The following ZNF44 variants were observed in gnomAD, a reference collection of about 807,000 sequenced individuals.
The protein encoded by ZNF44 is zinc finger protein 44, also known as gonadotropin inducible transcription repressor-2.
In ZNF44, 9 loss-of-function variants were observed where a neutral mutation model predicts 11.7. The observed-to-expected ratio is 0.77, with a 90% CI of 0.46 to 1.35. ZNF44 has a LOEUF of 1.35. Ranked by LOEUF, ZNF44 falls within the 40% of genes most tolerant of loss-of-function variation. The probability of loss-of-function intolerance (pLI) is 0.00; values close to 1 mark genes in which losing one functional copy is unlikely to be tolerated. For missense variants in ZNF44, 696 were observed against 743.1 expected (o/e 0.94, Z 0.74); for synonymous variants, 224 against 242.7 (o/e 0.92, Z 0.72).
chr19:12,273,687 C>A lies in ZNF44; in HGVS notation c.568G>T (p.Val190Leu). 1.9e-6 allele frequency: 3 copies of A among 1,614,168 alleles called. No homozygotes were observed. Among genetic ancestry groups the A allele is most frequent in the Non-Finnish European group, 2.5e-6 (3 of 1,180,038 alleles). The change falls in exon 4 of 4, where the codon GTA (valine) becomes TTA (leucine). Residue 190 changes from valine (V) to leucine (L), a missense_variant. Coordinates refer to ENST00000355684, the MANE Select transcript of ZNF44 (RefSeq NM_016264.4). ...TTATAAGGTCCATCTCCACCTTTTA[C>A]TACCATATGTCTTCGAAGGTTTCCA... is the stretch of plus-strand genomic sequence containing the variant. ...SPGNLRRHMV[V>L]KGGDGPYKCE...
downstream of ZNF44, among the ~76,000 whole-genome samples, chr19:12,270,872 T>C (rs1271084939): frequency 3.3e-5 from 5 of 152,182 alleles, no homozygotes; most frequent in African/African-American, 4.8e-5. Context: ...AGGCTGTAGA[T>C]GCCCTAAAGC....
At chr19:12,250,475 T>G (rs773489037) in intron 5 of ZNF44, 7 of 997,318 alleles carry the variant, frequency 7.0e-6, no homozygotes, top group Non-Finnish European at 9.3e-6. Context: ...TCTCCAGAGA[T>G]TTATTCTATG....
At chr19:12,230,771 C>T (rs1442009432) in intron 2 of ZNF44, among the ~76,000 whole-genome samples, 1 of 152,152 alleles carries the variant, frequency 6.6e-6, no homozygotes, top group Non-Finnish European at 1.5e-5. Flanking sequence ...TAGAAAAAAC[C>T]TGAGAGGGGC....
chr19:12,281,309 T>A (rs549372458), intron 1 of ZNF44, among the ~76,000 whole-genome samples: 1 of 152,264 alleles, frequency 6.6e-6, no homozygotes, highest in East Asian at 1.9e-4. Flanking sequence ...AAAGTGGAGA[T>A]TGAAGCCACA....
At chr19:12,225,794 T>C (rs898392573), downstream of ZNF44, among the ~76,000 whole-genome samples, 2 of 152,320 alleles carry the variant, frequency 1.3e-5, no homozygotes, top group South Asian at 4.1e-4. Context: ...GGGGTGAGAC[T>C]GAATAGGATG....
chr19:12,272,154 GC>G lies in ZNF44; in HGVS notation c.*252del. 1 of 384,408 alleles carries G rather than the reference GC, an allele frequency of 2.6e-6. No homozygotes were observed. Among genetic ancestry groups the G allele is most frequent in the Admixed American group, 4.5e-5 (1 of 22,060 alleles). The allele number at this position is 384,408 out of a possible 1,614,324, so 23.8% of individuals were successfully genotyped here. The stretch of plus-strand genomic sequence containing the variant: ...TAGGACTACAGGTGTGAGCAACTAT[GC>G]CTGGCTATTTTTTTTTTTTTCCGTA... On this transcript the variant is annotated 3_prime_UTR_variant, in exon 4 of 4. Coordinates refer to ENST00000355684, the MANE Select transcript of ZNF44 (RefSeq NM_016264.4).
At chr19:12,278,414 T>G (rs1178669814) in intron 1 of ZNF44, among the ~76,000 whole-genome samples, 5 of 152,144 alleles carry the variant, frequency 3.3e-5, no homozygotes, top group Admixed American at 6.5e-5. Context: ...CACTCCACAC[T>G]CTAAATTTCT....
chr19:12,279,285 C>G (rs1168794196), intron 1 of ZNF44, among the ~76,000 whole-genome samples: 1 of 152,050 alleles, frequency 6.6e-6, no homozygotes, highest in Non-Finnish European at 1.5e-5. Context: ...CTTTGGGAGG[C>G]TGAGGGAGGA....
chr19:12,270,455 T>C (rs926971540), downstream of ZNF44, among the ~76,000 whole-genome samples: 2 of 151,838 alleles, frequency 1.3e-5, no homozygotes, highest in Admixed American at 6.6e-5. Context: ...ATTTCAACTT[T>C]TTTTTTTTCT....
At position 12,273,996 on chromosome 19, in the gene ZNF44, T is replaced by A; in HGVS notation, c.259A>T (p.Ile87Phe). The change falls in exon 4 of 4, where the codon ATT (isoleucine) becomes TTT (phenylalanine). Residue 87 changes from isoleucine (I) to phenylalanine (F), a missense_variant. Ile to Phe is a conservative substitution (Grantham distance 21). Transcript: ENST00000355684. ...TTCTTGTTTACAATACTATTTCGAA[T>A]CTGGCTTAAGGTTTCTCCACACTGA... ...GSQCGETLSQIRNSIVNKNTP... is the reference protein window; with the variant it reads ...GSQCGETLSQFRNSIVNKNTP... The A allele has an allele frequency of 6.2e-7, 1 of 1,614,084 alleles. No homozygotes were observed. The highest frequency in any genetic ancestry group is 1.6e-4 in the Middle Eastern group (1 of 6,062).
chr19:12,229,845 A>G (rs1303611526), intron 3 of ZNF44, among the ~76,000 whole-genome samples: 2 of 151,968 alleles, frequency 1.3e-5, no homozygotes, highest in Admixed American at 6.6e-5. Context: ...ATCTCCTGAC[A>G]TCGTGATCAG....
intron 5 of ZNF44, among the ~76,000 whole-genome samples, chr19:12,253,109 G>A (rs538851644): frequency 6.6e-6 from 1 of 150,578 alleles, no homozygotes; most frequent in Non-Finnish European, 1.5e-5. Flanking sequence ...AGCTAGTCTC[G>A]AACTCCTGAC....
intron 5 of ZNF44, among the ~76,000 whole-genome samples, chr19:12,255,593 C>T (rs1917217258): frequency 6.6e-6 from 1 of 152,112 alleles, no homozygotes; most frequent in Non-Finnish European, 1.5e-5. Context: ...AAGATGCTTT[C>T]CCAGTAAGAT....
At chr19:12,256,687 A>G (rs934550774) in intron 5 of ZNF44, among the ~76,000 whole-genome samples, 21 of 146,316 alleles carry the variant, frequency 1.4e-4, no homozygotes, top group African/African-American at 5.4e-4. Context: ...GTCCCCAGAG[A>G]GCAATTACTC....
At chr19:12,260,927 A>G (rs1436214998) in intron 5 of ZNF44, among the ~76,000 whole-genome samples, 1 of 152,184 alleles carries the variant, frequency 6.6e-6, no homozygotes, top group African/African-American at 2.4e-5. Context: ...ATATCTAGAC[A>G]TCTTGTTCAC....
intron 1 of ZNF44, among the ~76,000 whole-genome samples, chr19:12,290,821 C>G (rs929227084): frequency 6.6e-6 from 1 of 152,240 alleles, no homozygotes; most frequent in Non-Finnish European, 1.5e-5. Context: ...ACCAACTAAA[C>G]TGGGCCCACA....
downstream of ZNF44, among the ~76,000 whole-genome samples, chr19:12,269,555 G>C (rs1966892529): frequency 6.6e-6 from 1 of 150,774 alleles, no homozygotes; most frequent in South Asian, 2.1e-4. Flanking sequence ...AAGAGATGGA[G>C]TCTCACTATG....
chr19:12,292,645 T>C (rs974833286), intron 1 of ZNF44, among the ~76,000 whole-genome samples: 1 of 152,090 alleles, frequency 6.6e-6, no homozygotes, highest in African/African-American at 2.4e-5. Context: ...CACTGCCTTA[T>C]GTCTTTTTCA....
chr19:12,236,537 C>CATACAGGTA (rs1279857660), intron 1 of ZNF44, among the ~76,000 whole-genome samples: 2 of 152,154 alleles, frequency 1.3e-5, no homozygotes, highest in Non-Finnish European at 2.9e-5. Flanking sequence ...GCAGGTTGGA[C>CATACAGGTA]ATACAGGTAA....
Sources: gnomAD v4.1 joint callset for allele counts (sites outside exome capture counted in the v4.1 genomes callset) on GRCh38, gnomAD v4.1.1 for gene constraint, MANE v1.5 for transcripts, NCBI Gene and HGNC (gene_info 2026-07-23, HGNC 2026-07-21) for gene names.